Variants in TRPM3 observed in about 807,000 individuals in gnomAD.
The protein encoded by TRPM3 is long transient receptor potential channel 3.
TRPM3 carries 77 observed loss-of-function variants against 181.2 expected under a neutral mutation model. That is an observed-to-expected ratio of 0.42 (90% CI 0.35 to 0.51). The LOEUF is 0.51. TRPM3 is among the 20% of genes least tolerant of loss of function. The probability of loss-of-function intolerance (pLI) is 0.01; values close to 1 mark genes in which losing one functional copy is unlikely to be tolerated. For synonymous variants in TRPM3, 745 were observed against 796.4 expected (o/e 0.94, Z 1.09); for missense variants, 1,759 against 2,196.7 (o/e 0.80, Z 3.98).
At chr9:71,084,235 T>C (rs1249048587) in intron 1 of TRPM3, among the ~76,000 whole-genome samples, 12 of 151,928 alleles carry the variant, frequency 7.9e-5, no homozygotes, top group Admixed American at 7.9e-4. Context: ...ATATACTAAT[T>C]TTAACAATGA....
chr9:70,830,282 A>G lies in TRPM3; in HGVS notation c.802-2264T>C, dbSNP rs62547571. Among the ~76,000 whole-genome samples, 577 of 152,360 alleles carry G rather than the reference A, an allele frequency of 3.8e-3. 3 individuals are homozygous for G. Among genetic ancestry groups the G allele is most frequent in the Middle Eastern group, 0.017 (5 of 294 alleles). On this transcript the variant is annotated intron_variant, in intron 5 of 25. Coordinates refer to ENST00000677713, the MANE Select transcript of TRPM3 (RefSeq NM_001366145.2). Reference sequence around the variant, plus strand: ...AAATAATTCTCAGCCAAGCTGATGTATTCACCACAATCTAAGAATAAAAGA... The same window carrying G: ...AAATAATTCTCAGCCAAGCTGATGTGTTCACCACAATCTAAGAATAAAAGA...
intron 1 of TRPM3, among the ~76,000 whole-genome samples, chr9:71,432,194 T>C (rs1589004218): frequency 6.6e-6 from 1 of 152,158 alleles, no homozygotes; most frequent in Admixed American, 6.5e-5. Flanking sequence ...GATGTTATCA[T>C]ACCAGCCTAA....
chr9:70,657,253 G>T (rs2060490743), intron 9 of TRPM3, among the ~76,000 whole-genome samples: 1 of 140,922 alleles, frequency 7.1e-6, no homozygotes. Flanking sequence ...TTAGAACAAT[G>T]AAATTTTCTT....
chr9:71,379,157 T>A (rs139797236), intron 1 of TRPM3, among the ~76,000 whole-genome samples: 105 of 152,172 alleles, frequency 6.9e-4, no homozygotes, highest in Middle Eastern at 3.4e-3. Flanking sequence ...CGTGAAATAC[T>A]TACCTAAAGT....
At chr9:71,276,905 ATAAG>A (rs1353867651) in intron 1 of TRPM3, among the ~76,000 whole-genome samples, 4 of 152,204 alleles carry the variant, frequency 2.6e-5, no homozygotes, top group African/African-American at 9.7e-5. Flanking sequence ...TGTGTGCCTC[ATAAG>A]TAAAATGAAA....
intron 1 of TRPM3, among the ~76,000 whole-genome samples, chr9:71,211,093 C>T (rs982369589): frequency 1.3e-5 from 2 of 152,150 alleles, no homozygotes; most frequent in Admixed American, 6.6e-5. Context: ...CATTCCCTGG[C>T]AGACTTTTCC....
intron 1 of TRPM3, among the ~76,000 whole-genome samples, chr9:71,419,566 G>A (rs1486430859): frequency 6.6e-6 from 1 of 151,668 alleles, no homozygotes; most frequent in East Asian, 1.9e-4. Flanking sequence ...TTTCATAATG[G>A]GGTAATAGCA....
chr9:70,907,902 T>C (rs2096489201), intron 1 of TRPM3, among the ~76,000 whole-genome samples: 1 of 152,250 alleles, frequency 6.6e-6, no homozygotes, highest in African/African-American at 2.4e-5. Flanking sequence ...TTTTAATCGC[T>C]GCCTAGTATT....
intron 8 of TRPM3, among the ~76,000 whole-genome samples, chr9:70,686,571 G>T (rs2066821538): frequency 6.9e-6 from 1 of 143,986 alleles, no homozygotes; most frequent in African/African-American, 2.6e-5. Context: ...GAATAATTTG[G>T]AAACCCCTCC....
chr9:71,243,641 G>T (rs1326323885), intron 1 of TRPM3, among the ~76,000 whole-genome samples: 1 of 152,106 alleles, frequency 6.6e-6, no homozygotes, highest in East Asian at 1.9e-4. Context: ...CAAATGAATA[G>T]AAGAATAAAT....
chr9:70,760,429 A>G (rs1406607507), intron 8 of TRPM3, among the ~76,000 whole-genome samples: 1 of 147,892 alleles, frequency 6.8e-6, no homozygotes, highest in Non-Finnish European at 1.5e-5. Flanking sequence ...AGGATGTCAC[A>G]TGTGGGTGGT....
intron 1 of TRPM3, among the ~76,000 whole-genome samples, chr9:70,950,753 C>T (rs2096989302): frequency 1.3e-5 from 2 of 152,098 alleles, no homozygotes; most frequent in African/African-American, 4.8e-5. Flanking sequence ...CCGACTTCTT[C>T]AGCTTGCACT....
At chr9:71,401,053 C>T (rs534653698) in intron 1 of TRPM3, among the ~76,000 whole-genome samples, 1 of 151,926 alleles carries the variant, frequency 6.6e-6, no homozygotes, top group South Asian at 2.1e-4. Context: ...CAAAAATTGG[C>T]CAGGTGTGAT....
At chr9:71,392,294 T>C (rs1363168234) in intron 1 of TRPM3, among the ~76,000 whole-genome samples, 1 of 152,038 alleles carries the variant, frequency 6.6e-6, no homozygotes, top group African/African-American at 2.4e-5. Context: ...AAGAGCCCAC[T>C]AGCAGAAAAG....
chr9:71,211,881 TC>T (rs1414731103), intron 1 of TRPM3, among the ~76,000 whole-genome samples: 1 of 152,144 alleles, frequency 6.6e-6, no homozygotes, highest in Non-Finnish European at 1.5e-5. Flanking sequence ...GGTTAGGACT[TC>T]TTTTTGGGAG....
At chr9:71,344,093 AGAT>A (rs2091142361) in intron 1 of TRPM3, among the ~76,000 whole-genome samples, 1 of 152,144 alleles carries the variant, frequency 6.6e-6, no homozygotes. Flanking sequence ...TCATTACATA[AGAT>A]GATAACTGAT....
intron 1 of TRPM3, among the ~76,000 whole-genome samples, chr9:71,065,224 A>G (rs1445127357): frequency 6.6e-6 from 1 of 152,176 alleles, no homozygotes; most frequent in Non-Finnish European, 1.5e-5. Flanking sequence ...ATGGATGAAG[A>G]AAACATGTTC....
At chr9:70,630,110 T>G (rs747882294) in intron 12 of TRPM3, among the ~76,000 whole-genome samples, 1 of 152,140 alleles carries the variant, frequency 6.6e-6, no homozygotes, top group Non-Finnish European at 1.5e-5. Flanking sequence ...GAGGGGAACT[T>G]ATGGATACTC....
At chr9:71,075,485 G>A (rs1333243702) in intron 1 of TRPM3, among the ~76,000 whole-genome samples, 3 of 152,166 alleles carry the variant, frequency 2.0e-5, no homozygotes, top group Non-Finnish European at 4.4e-5. Context: ...ATGCAAACTT[G>A]TTCCCATGTG....
Sources: allele counts gnomAD v4.1 joint callset (sites outside exome capture counted in the v4.1 genomes callset), GRCh38; gene constraint gnomAD v4.1.1; transcripts MANE v1.5; gene names NCBI Gene and HGNC (gene_info 2026-07-23, HGNC 2026-07-21).